DPH6: variants seen among roughly 807,000 people sequenced by gnomAD.
DPH6 encodes the protein diphthine--ammonia ligase.
A neutral mutation model predicts 38.2 loss-of-function variants in DPH6; 33 were observed. The observed-to-expected ratio is 0.86, with a 90% CI of 0.65 to 1.15. The LOEUF is 1.15. DPH6 is among the 50% of genes most tolerant of loss of function. DPH6 has a pLI of 0.00. For missense variants in DPH6, 325 were observed against 320.0 expected, an observed-to-expected ratio of 1.02 and a Z score of -0.12; for synonymous variants, 108 against 103.0, an observed-to-expected ratio of 1.05 and a Z score of -0.30.
At chr15:35,382,261 C>A (rs1301139954) in intron 6 of DPH6, among the ~76,000 whole-genome samples, 1 of 151,612 alleles carries the variant, frequency 6.6e-6, no homozygotes, top group Non-Finnish European at 1.5e-5. Flanking sequence ...TGGTGAAACA[C>A]CGTCTCTACT....
the DPH6 span, among the ~76,000 whole-genome samples, chr15:35,164,459 A>G: frequency 6.6e-6 from 1 of 151,684 alleles, no homozygotes; most frequent in Non-Finnish European, 1.5e-5. Flanking sequence ...ACTTGGCAAA[A>G]TCGCTGCTTT....
intron 3 of DPH6, among the ~76,000 whole-genome samples, chr15:35,533,905 C>T (rs901740237): frequency 3.3e-5 from 5 of 152,048 alleles, no homozygotes; most frequent in Admixed American, 2.0e-4. Context: ...GCCACACTAT[C>T]CTGAACTCCA....
intron 3 of DPH6, among the ~76,000 whole-genome samples, chr15:35,359,726 G>A (rs1042869736): frequency 1.3e-5 from 2 of 152,130 alleles, no homozygotes; most frequent in Non-Finnish European, 2.9e-5. Flanking sequence ...TGGGCGGGGG[G>A]ACTCCTGGGT....
Position 35,457,689 on chromosome 15 carries a change from C to T in DPH6, c.313-2869G>A, listed in dbSNP as rs554260592. Among the ~76,000 whole-genome samples, 576 of 152,288 alleles carry T rather than the reference C, an allele frequency of 3.8e-3. 2 individuals carry two copies. Among genetic ancestry groups the T allele is most frequent in the African/African-American group, 0.013 (543 of 41,566 alleles). ...TTACTGAATTTCTCTGTGTCTGTTT[C>T]CTCACCTATAAAGTGAAGACAAAAA... On this transcript the variant is annotated intron_variant, in intron 3 of 8. Transcript: ENST00000256538.
At chr15:35,274,963 G>A (rs1304115907) in intron 3 of DPH6, among the ~76,000 whole-genome samples, 1 of 151,396 alleles carries the variant, frequency 6.6e-6, no homozygotes, top group African/African-American at 2.4e-5. Flanking sequence ...CCCCCAGTCT[G>A]GAGTGCAGTG....
intron 3 of DPH6, among the ~76,000 whole-genome samples, chr15:35,505,191 G>A (rs2054678638): frequency 6.6e-6 from 1 of 152,132 alleles, no homozygotes; most frequent in South Asian, 2.1e-4. Flanking sequence ...AGCTTCAAGT[G>A]TGGGAAGTGC....
intron 3 of DPH6, among the ~76,000 whole-genome samples, chr15:35,491,015 C>T (rs996380308): frequency 3.9e-5 from 6 of 152,170 alleles, no homozygotes; most frequent in African/African-American, 4.8e-5. Flanking sequence ...CAAGTCTATT[C>T]CCATGATAAT....
At chr15:35,471,036 T>C (rs748596764) in intron 3 of DPH6, among the ~76,000 whole-genome samples, 1 of 152,140 alleles carries the variant, frequency 6.6e-6, no homozygotes, top group African/African-American at 2.4e-5. Flanking sequence ...ATTAACAAAA[T>C]CTTGTACAAA....
At chr15:35,243,735 ACT>A (rs1169611017) in intron 3 of DPH6, among the ~76,000 whole-genome samples, 4 of 149,430 alleles carry the variant, frequency 2.7e-5, no homozygotes, top group African/African-American at 7.4e-5. Flanking sequence ...CCCTTTGCTG[ACT>A]CTCTTTTCGG....
At chr15:35,237,656 A>G in intron 3 of DPH6, 1 of 1,613,664 alleles carries the variant, frequency 6.2e-7, no homozygotes, top group Non-Finnish European at 8.5e-7. Flanking sequence ...GCCACTGAAA[A>G]ACTTAGAAAA....
At chr15:35,425,550 A>C (rs568719937) in intron 5 of DPH6, among the ~76,000 whole-genome samples, 10 of 151,250 alleles carry the variant, frequency 6.6e-5, no homozygotes, top group Non-Finnish European at 1.5e-4. Context: ...GTAGAAAGAC[A>C]AATTTTAGAA....
chr15:35,400,024 T>C (rs1464534723), intron 6 of DPH6, among the ~76,000 whole-genome samples: 1 of 152,182 alleles, frequency 6.6e-6, no homozygotes, highest in Non-Finnish European at 1.5e-5. Flanking sequence ...ATAATAGGCA[T>C]AGCGAGAACC....
rs1485407671 is a variant in DPH6 at position 35,546,129 on chromosome 15, C to G, written c.13G>C (p.Ala5Pro). 2 of 1,405,746 alleles carry G rather than the reference C, an allele frequency of 1.4e-6. No homozygotes were observed. The highest frequency in any genetic ancestry group is 5.0e-5 in the Admixed American group (2 of 39,680). 87.1% of individuals were successfully genotyped at this position (1,405,746 alleles called of 1,614,324 possible). The part of the protein sequence containing the change: MRVA[A>P]LISGGKDSCY... ...CCAGGACCGCATTACCTGATCAGAG[C>G]CGCGACCCTCATGCTGGGCGCAGTG... is the stretch of plus-strand genomic sequence containing the variant. Residue 5 changes from alanine to proline, a missense_variant, in exon 1 of 9, where the codon GCT becomes CCT. Physicochemically the swap from Ala to Pro is conservative, Grantham distance 27. Coordinates refer to ENST00000256538, the MANE Select transcript of DPH6 (RefSeq NM_080650.4).
intron 3 of DPH6, among the ~76,000 whole-genome samples, chr15:35,288,301 A>G (rs991985810): frequency 6.6e-6 from 1 of 152,214 alleles, no homozygotes; most frequent in Non-Finnish European, 1.5e-5. Flanking sequence ...CCTTTAGGAA[A>G]AAGGAAAGGT....
intron 3 of DPH6, among the ~76,000 whole-genome samples, chr15:35,343,573 T>C (rs1300859834): frequency 2.6e-5 from 4 of 152,084 alleles, no homozygotes; most frequent in Non-Finnish European, 5.9e-5. Context: ...TATTGCCTCA[T>C]GATTCCGTAA....
chr15:35,279,062 A>ATATATATATAT (rs1454693937), intron 3 of DPH6, among the ~76,000 whole-genome samples: 1 of 122,018 alleles, frequency 8.2e-6, no homozygotes, highest in African/African-American at 3.6e-5. Flanking sequence ...AAAAAAAAAA[A>ATATATATATAT]AAAAAAATAT....
chr15:35,385,067 G>A (rs1029178463), intron 6 of DPH6, among the ~76,000 whole-genome samples: 4 of 152,206 alleles, frequency 2.6e-5, no homozygotes, highest in African/African-American at 9.7e-5. Context: ...ACCACAATGA[G>A]ATACCATCTC....
chr15:35,154,761 T>C, the DPH6 span, among the ~76,000 whole-genome samples: 1 of 152,152 alleles, frequency 6.6e-6, no homozygotes, highest in Non-Finnish European at 1.5e-5. Context: ...AGGTTCCTTT[T>C]ACTCATAGTA....
chr15:35,515,052 T>C (rs1467743099), intron 3 of DPH6, among the ~76,000 whole-genome samples: 1 of 152,136 alleles, frequency 6.6e-6, no homozygotes, highest in Non-Finnish European at 1.5e-5. Context: ...AGACAGACAC[T>C]GTGCTTTAAT....
Sources: gnomAD v4.1 joint callset for allele counts (sites outside exome capture counted in the v4.1 genomes callset) on GRCh38, gnomAD v4.1.1 for gene constraint, MANE v1.5 for transcripts, NCBI Gene and HGNC (gene_info 2026-07-23, HGNC 2026-07-21) for gene names.